CFAP46: variants seen among roughly 807,000 people sequenced by gnomAD.
CFAP46 encodes cilia and flagella associated protein 46.
In CFAP46, 245 loss-of-function variants were observed where a neutral mutation model predicts 325.7. The ratio of observed to expected loss-of-function variants is 0.75; its 90% CI spans 0.68 to 0.84. The LOEUF (loss-of-function observed/expected upper bound fraction) is 0.84. Ranked by LOEUF, CFAP46 falls within the 40% of genes least tolerant of loss-of-function variation. CFAP46 has a pLI of 0.00. For synonymous variants in CFAP46, 1,523 were observed against 1,495.9 expected, an observed-to-expected ratio of 1.02 and a Z score of -0.42; for missense variants, 3,346 against 3,543.0, an observed-to-expected ratio of 0.94 and a Z score of 1.41.
At chr10:132,915,070 T>A (rs1280341075) in intron 17 of CFAP46, among the ~76,000 whole-genome samples, 1 of 152,254 alleles carries the variant, frequency 6.6e-6, no homozygotes, top group Non-Finnish European at 1.5e-5. Context: ...ACTTTTTCTA[T>A]AAGGGGCCAA....
At chr10:132,825,198 G>A (rs375893703) in intron 50 of CFAP46, among the ~76,000 whole-genome samples, 2,665 of 140,444 alleles carry the variant, frequency 0.019, 35 homozygotes, top group South Asian at 0.051. Context: ...TGCTGTGTGC[G>A]CTGTGTGCTG....
At chr10:132,926,912 G>T (rs1849819523) in intron 9 of CFAP46, among the ~76,000 whole-genome samples, 2 of 152,236 alleles carry the variant, frequency 1.3e-5, no homozygotes, top group Admixed American at 6.5e-5. Flanking sequence ...TCCTGAGTTT[G>T]CCCTTTTCAG....
intron 7 of CFAP46, among the ~76,000 whole-genome samples, chr10:132,936,472 C>T (rs1202542864): frequency 7.3e-6 from 1 of 136,368 alleles, no homozygotes; most frequent in Non-Finnish European, 1.6e-5. Flanking sequence ...TCACTCCCCT[C>T]GGCACCCAAA....
intron 55 of CFAP46, among the ~76,000 whole-genome samples, chr10:132,811,430 G>A (rs1234219376): frequency 6.6e-6 from 1 of 152,204 alleles, no homozygotes; most frequent in African/African-American, 2.4e-5. Context: ...GGCTGCTGGG[G>A]GGCAGCACTG....
At position 132,912,706 on chromosome 10, in the gene CFAP46, A is replaced by G; in HGVS notation, c.2448T>C (p.Phe816=). Reference sequence around the variant, plus strand: ...TGGCTCCTGCGTCCAGTGGGCTGTGAAACGCGTTTGGTCGCATGAATTTCC... The same window carrying G: ...TGGCTCCTGCGTCCAGTGGGCTGTGGAACGCGTTTGGTCGCATGAATTTCC... ...KSRKFMRPNA[F]HSPLDAGATS... is the part of the protein sequence containing the mutation. Residue 816 remains phenylalanine (F), a synonymous_variant, in exon 19 of 58, where the codon TTT becomes TTC. Transcript: ENST00000368586. 1 of 1,549,908 alleles carries G rather than the reference A, an allele frequency of 6.5e-7. No individual in the cohort carries two copies. Among genetic ancestry groups the G allele is most frequent in the Non-Finnish European group, 8.7e-7 (1 of 1,146,916 alleles).
intron 26 of CFAP46, 74 bp downstream of exon 26, chr10:132,885,747 G>A: frequency 1.4e-6 from 2 of 1,461,838 alleles, no homozygotes; most frequent in South Asian, 2.6e-5. Context: ...GCGGTGTGGG[G>A]AGCACTCACA....
chr10:132,860,749 C>T (rs927535849), intron 36 of CFAP46, 33 bp downstream of exon 36: 16 of 1,545,790 alleles, frequency 1.0e-5, no homozygotes, highest in African/African-American at 2.7e-5. Context: ...GCCCGGCACC[C>T]GACATGCAGC....
intron 55 of CFAP46, 151 bp downstream of exon 55, chr10:132,812,634 G>A: frequency 1.6e-6 from 1 of 606,468 alleles, no homozygotes; most frequent in South Asian, 1.9e-5. Context: ...CAGACAGGAG[G>A]GGCCTGCAGT....
chr10:132,926,641 T>C lies in CFAP46; in HGVS notation c.992A>G (p.Glu331Gly). 1 of 1,536,244 alleles carries C rather than the reference T, an allele frequency of 6.5e-7. No individual in the cohort carries two copies. Residue 331 changes from glutamate (E) to glycine (G), a missense_variant, in exon 10 of 58, where the codon GAA (glutamate) becomes GGA (glycine). By Grantham distance (98) the Glu-to-Gly change is moderately conservative (BLOSUM62 -2). Transcript: ENST00000368586. Reference protein sequence around the residue: ...SKDPGKLIEMECLECESEALR... With the variant: ...SKDPGKLIEMGCLECESEALR... ...AGCTTCCGATTCACACTCCAGACAT[T>C]CCATTTCAATAAGCTTCCCAGGATC...
intron 24 of CFAP46, among the ~76,000 whole-genome samples, chr10:132,894,962 C>G (rs1374109668): frequency 6.6e-6 from 1 of 151,702 alleles, no homozygotes; most frequent in African/African-American, 2.4e-5. Flanking sequence ...CCCTATGAGG[C>G]CAGCATTACT....
rs960885956 is a variant in CFAP46, at chr10:132,939,793, C to T, written c.372-1040G>A. On this transcript the variant is annotated intron_variant, in intron 4 of 57. Coordinates refer to ENST00000368586, the MANE Select transcript of CFAP46 (RefSeq NM_001200049.3). This position sits in a 1 kb window ranked among gnomAD's most constrained non-coding sequence, Gnocchi z 4.6. ...TGAGTGCTGCGTCTCGAAAGGAACC[C>T]GTCTCCTCCCTGTAAGTGGCTCTCC... Among the ~76,000 whole-genome samples the T allele has an allele frequency of 1.3e-5, 2 of 152,078 alleles. No homozygotes were observed. Among genetic ancestry groups the T allele is most frequent in the Non-Finnish European group, 2.9e-5 (2 of 68,010 alleles).
rs538913533 is a variant in CFAP46, at chr10:132,910,139, A to G, written c.2500-71T>C. ...GGGACCTTGAGCCAAGATCCGAACC[A>G]TTAAAAGATGGATGGAGCCCGCTCC... On this transcript the variant is annotated intron_variant, in intron 19 of 57. Transcript: ENST00000368586. 564 of 1,289,828 alleles carry G rather than the reference A, an allele frequency of 4.4e-4. 10 individuals carry two copies. The South Asian group carries it at 0.012, about 27-fold the overall frequency. The allele number at this position is 1,289,828 out of a possible 1,614,324, so 79.9% of individuals were successfully genotyped here.
rs369605125 is a variant in CFAP46 at position 132,808,516 on chromosome 10, G to T, written c.8053C>A (p.Arg2685=). The T allele has an allele frequency of 1.2e-6, 2 of 1,613,166 alleles. No homozygotes were observed. ...GGGAGGCCGCCCTTGTCCTGGCCCC[G>T]GGAAGAGACGCAGCTCCAGCCCCGA... ...LRRGWSCVSS[R]GQDKGGLPLA... The change falls in exon 58 of 58, where the codon CGG becomes AGG. Residue 2685 remains arginine, a synonymous_variant. Transcript: ENST00000368586. This position sits in a 1 kb window ranked among gnomAD's most constrained non-coding sequence, Gnocchi z 6.8.
At chr10:132,830,200 G>C (rs1194052056) in intron 50 of CFAP46, among the ~76,000 whole-genome samples, 1 of 151,872 alleles carries the variant, frequency 6.6e-6, no homozygotes, top group African/African-American at 2.4e-5. Flanking sequence ...CTGGAGTACA[G>C]TGGCATGATC....
chr10:132,820,781 G>A (rs7394316), intron 50 of CFAP46, among the ~76,000 whole-genome samples: 21,424 of 97,538 alleles, frequency 0.22, 4,028 homozygotes, highest in Admixed American at 0.37. Flanking sequence ...GTGCGCTGAT[G>A]CGTGCTGTGT....
chr10:132,814,653 T>G lies in CFAP46; in HGVS notation c.7249+33A>C, dbSNP rs748667578. 20 of 1,582,728 alleles carry G rather than the reference T, an allele frequency of 1.3e-5. No individual in the cohort carries two copies. The South Asian group carries it at 2.2e-4, about 17-fold the overall frequency. ...GGAGAAACGGGAGCACAGGGCGGGGTCTGGGGCCCCCCCGGGGCCCATCAA... is the reference window on the plus strand; with the variant it reads ...GGAGAAACGGGAGCACAGGGCGGGGGCTGGGGCCCCCCCGGGGCCCATCAA... On this transcript the variant is annotated intron_variant, in intron 52 of 57. Coordinates refer to ENST00000368586, the MANE Select transcript of CFAP46 (RefSeq NM_001200049.3).
Position 132,885,106 on chromosome 10 carries a change from CA to C in CFAP46, c.3623del (p.Leu1208CysfsTer45), listed in dbSNP as rs748715147. 186 of 1,545,194 alleles carry C rather than the reference CA, an allele frequency of 1.2e-4. No individual in the cohort carries two copies. Among genetic ancestry groups the C allele is most frequent in the Admixed American group, 3.6e-4 (18 of 50,534 alleles). ...LACYNNAIQA[L>X]QKPEMEWQKV... is the part of the protein sequence containing the mutation. ...ACCCACGCTTACGGCTTCACACCTGCAAGGCCTGGATGGCGTTGTTGTAGCA... is the reference window on the plus strand; with the variant it reads ...ACCCACGCTTACGGCTTCACACCTGCAGGCCTGGATGGCGTTGTTGTAGCA... On this transcript the variant is annotated frameshift_variant, in exon 27 of 58. Coordinates refer to ENST00000368586, the MANE Select transcript of CFAP46 (RefSeq NM_001200049.3). LOFTEE classifies it high-confidence loss of function.
intron 24 of CFAP46, among the ~76,000 whole-genome samples, chr10:132,894,907 T>C (rs544651923): frequency 1.3e-5 from 2 of 152,336 alleles, no homozygotes; most frequent in East Asian, 1.9e-4. Flanking sequence ...ACAATCCTTA[T>C]TGACTCTTCA....
Position 132,879,603 on chromosome 10 carries a change from T to C in CFAP46, c.3828A>G (p.Pro1276=). The C allele has an allele frequency of 6.5e-7, 1 of 1,543,352 alleles. No individual in the cohort carries two copies. Among genetic ancestry groups the C allele is most frequent in the East Asian group, 2.5e-5 (1 of 40,814 alleles). ...CCTCGGCCTCGGACACGGGGCTCCG[T>C]GGGGGCATCTCCACAGCCACGTACT... ...DGEYVAVEMP[P]RSPVSEAEEA... is the part of the protein sequence containing the mutation. The change falls in exon 29 of 58, where the codon CCA becomes CCG. Residue 1276 remains proline (P), a synonymous_variant. Transcript: ENST00000368586.
Sources: allele counts gnomAD v4.1 joint callset (sites outside exome capture counted in the v4.1 genomes callset), GRCh38; gene constraint gnomAD v4.1.1; non-coding constraint Gnocchi (gnomAD v3.1); transcripts MANE v1.5; gene names NCBI Gene and HGNC (gene_info 2026-07-23, HGNC 2026-07-21).